KCNH7: variants seen among roughly 807,000 people sequenced by gnomAD.
KCNH7 encodes the protein voltage-gated inwardly rectifying potassium channel KCNH7.
A neutral mutation model predicts 120.8 loss-of-function variants in KCNH7; 49 were observed. The ratio of observed to expected loss-of-function variants is 0.41; its 90% confidence interval spans 0.32 to 0.51. The LOEUF (loss-of-function observed/expected upper bound fraction) is 0.51. KCNH7 is among the 20% of genes least tolerant of loss of function. The pLI, the probability that KCNH7 is intolerant of heterozygous loss-of-function variation, is 0.38. For missense variants in KCNH7, 1,097 were observed against 1,446.6 expected (o/e 0.76, Z 3.92); for synonymous variants, 547 against 516.1 (o/e 1.06, Z -0.81).
intron 2 of KCNH7, among the ~76,000 whole-genome samples, chr2:162,781,555 A>G (rs1388727352): frequency 6.6e-6 from 1 of 152,058 alleles, no homozygotes; most frequent in East Asian, 1.9e-4. Context: ...TTGAAAGTTG[A>G]AAAAAAATGA....
intron 6 of KCNH7, among the ~76,000 whole-genome samples, chr2:162,498,512 G>T (rs1489355144): frequency 6.6e-6 from 1 of 151,668 alleles, no homozygotes; most frequent in Non-Finnish European, 1.5e-5. Flanking sequence ...GTGGGGGTGT[G>T]CACGTGTGTG....
chr2:162,453,956 T>C (rs954700811), intron 6 of KCNH7, among the ~76,000 whole-genome samples: 5 of 152,194 alleles, frequency 3.3e-5, no homozygotes, highest in African/African-American at 1.2e-4. Context: ...GCTCTTTAGT[T>C]TAATTAGATA....
At chr2:162,824,939 T>G (rs1389893021) in intron 2 of KCNH7, among the ~76,000 whole-genome samples, 1 of 152,016 alleles carries the variant, frequency 6.6e-6, no homozygotes, top group Admixed American at 6.6e-5. Flanking sequence ...GCTCTTTCAT[T>G]AGTTATAATT....
intron 7 of KCNH7, 76 bp from the exon 8 acceptor site, chr2:162,435,673 A>C: frequency 4.2e-6 from 6 of 1,419,592 alleles, no homozygotes; most frequent in Non-Finnish European, 3.8e-6. Context: ...CAAAGTGGAC[A>C]AAAACAGGTT....
At chr2:162,544,809 T>C (rs910770251) in intron 2 of KCNH7, among the ~76,000 whole-genome samples, 6 of 152,084 alleles carry the variant, frequency 3.9e-5, no homozygotes, top group Admixed American at 3.9e-4. Context: ...AGCCCCACAT[T>C]TCATTTTAAT....
rs187200685 is a variant in KCNH7 at position 162,443,086 on chromosome 2, A to G, written c.1554+2932T>C. Among the ~76,000 whole-genome samples, 90 of 152,272 alleles carry G rather than the reference A, an allele frequency of 5.9e-4. 1 individual carries two copies. In the South Asian group the frequency reaches 0.015, roughly 26 times the overall value. On this transcript the variant is annotated intron_variant, in intron 7 of 15. Transcript: ENST00000332142. ...AAATCCCTGCCACTTTAAAAAGTGT[A>G]GGTTTTAAGGCTTTATTTTTGACCT... is the stretch of plus-strand genomic sequence containing the variant.
intron 2 of KCNH7, among the ~76,000 whole-genome samples, chr2:162,628,489 A>T (rs1683637955): frequency 6.6e-6 from 1 of 152,210 alleles, no homozygotes; most frequent in East Asian, 1.9e-4. Context: ...GGTTTGTTAC[A>T]TAGGTAAACT....
intron 2 of KCNH7, among the ~76,000 whole-genome samples, chr2:162,817,452 TCTA>T (rs1684956972): frequency 6.6e-6 from 1 of 152,156 alleles, no homozygotes; most frequent in Admixed American, 6.5e-5. Context: ...ACTTAATTTA[TCTA>T]TTAACCTGCT....
At position 162,575,235 on chromosome 2, in the gene KCNH7, T is replaced by G. The variant is rs146769448; in HGVS notation, c.308-38155A>C. Among the ~76,000 whole-genome samples the G allele has an allele frequency of 6.4e-4, 97 of 152,164 alleles. 1 individual carries two copies. In the East Asian group the frequency reaches 0.017, roughly 27 times the overall value. ...AGGATCAAATCACATCTGCTGCTAG[T>G]TTGACCCTGACCTTGTAGATCAAGT... On this transcript the variant is annotated intron_variant, in intron 2 of 15. Transcript: ENST00000332142.
chr2:162,476,470 T>G (rs2105664463), intron 6 of KCNH7, among the ~76,000 whole-genome samples: 2 of 152,310 alleles, frequency 1.3e-5, no homozygotes, highest in African/African-American at 4.8e-5. Flanking sequence ...AGATAATTTT[T>G]ACAGCAGATA....
chr2:162,677,843 G>A (rs1574254956), intron 2 of KCNH7, among the ~76,000 whole-genome samples: 1 of 151,336 alleles, frequency 6.6e-6, no homozygotes, highest in East Asian at 1.9e-4. Flanking sequence ...CCATCCCAGT[G>A]GATGTGTAGT....
intron 2 of KCNH7, among the ~76,000 whole-genome samples, chr2:162,559,656 A>T (rs1692992719): frequency 6.6e-6 from 1 of 152,208 alleles, no homozygotes; most frequent in Non-Finnish European, 1.5e-5. Context: ...ACCTCTTCAC[A>T]ACTTAAGCTG....
chr2:162,781,956 C>T (rs1683510101), intron 2 of KCNH7, among the ~76,000 whole-genome samples: 1 of 152,128 alleles, frequency 6.6e-6, no homozygotes, highest in African/African-American at 2.4e-5. Context: ...AGATGAAAAT[C>T]ACGATGAAAA....
At chr2:162,700,215 C>A (rs549690708) in intron 2 of KCNH7, among the ~76,000 whole-genome samples, 10 of 152,162 alleles carry the variant, frequency 6.6e-5, no homozygotes, top group African/African-American at 2.4e-4. Flanking sequence ...GGCACATAAC[C>A]CCCCAGAGCC....
At chr2:162,822,660 A>C (rs564853952) in intron 2 of KCNH7, among the ~76,000 whole-genome samples, 1 of 152,366 alleles carries the variant, frequency 6.6e-6, no homozygotes, top group African/African-American at 2.4e-5. Context: ...AATTCATTCA[A>C]TTATTTAAAG....
chr2:162,489,724 T>C (rs1195623228), intron 6 of KCNH7, among the ~76,000 whole-genome samples: 1 of 152,242 alleles, frequency 6.6e-6, no homozygotes, highest in Non-Finnish European at 1.5e-5. Flanking sequence ...AGATATATTG[T>C]CATTTCAATT....
intron 6 of KCNH7, among the ~76,000 whole-genome samples, chr2:162,470,173 C>G (rs1398464523): frequency 6.6e-6 from 1 of 151,562 alleles, no homozygotes; most frequent in African/African-American, 2.4e-5. Flanking sequence ...CGCCCATCGT[C>G]TGGGATGTGA....
chr2:162,696,555 G>A (rs1321041448), intron 2 of KCNH7, among the ~76,000 whole-genome samples: 1 of 152,038 alleles, frequency 6.6e-6, no homozygotes, highest in African/African-American at 2.4e-5. Context: ...GCTGTCTATT[G>A]AAGAAGTCTA....
chr2:162,504,083 C>G (rs1690782053), intron 6 of KCNH7, among the ~76,000 whole-genome samples: 1 of 151,928 alleles, frequency 6.6e-6, no homozygotes, highest in Non-Finnish European at 1.5e-5. Flanking sequence ...AATTAGTCCC[C>G]TAAAGCTTCA....
Sources: allele counts gnomAD v4.1 joint callset (sites outside exome capture counted in the v4.1 genomes callset), GRCh38; gene constraint gnomAD v4.1.1; transcripts MANE v1.5; gene names NCBI Gene and HGNC (gene_info 2026-07-23, HGNC 2026-07-21).